Variants in ATOH8 observed in about 807,000 individuals in gnomAD.
ATOH8 encodes atonal bHLH transcription factor 8, also known as transcription factor ATOH8.
ATOH8 carries 9 observed loss-of-function variants against 21.2 expected under a neutral mutation model. That is an observed-to-expected ratio of 0.42 (90% confidence interval 0.26 to 0.74). The LOEUF (loss-of-function observed/expected upper bound fraction) is 0.74, where lower values mean the gene tolerates loss of function less well. Among genes scored for constraint, ATOH8 ranks in the 30% least tolerant of loss-of-function variants. ATOH8 has a pLI of 0.24. For missense variants in ATOH8, 524 were observed against 470.9 expected (o/e 1.11, Z -1.04); for synonymous variants, 253 against 224.0 (o/e 1.13, Z -1.16).
chr2:85,765,920 C>G (rs1222427706), intron 2 of ATOH8, among the ~76,000 whole-genome samples: 1 of 152,190 alleles, frequency 6.6e-6, no homozygotes, highest in Non-Finnish European at 1.5e-5. Context: ...CCCTCTGGGC[C>G]TGGTCCAACC....
chr2:85,781,048 G>C (rs929490022), intron 2 of ATOH8: 29 of 987,936 alleles, frequency 2.9e-5, no homozygotes, highest in South Asian at 2.8e-4. Context: ...CCTTGGAGAA[G>C]ATGTGAAAGC....
chr2:85,761,934 T>G (rs1029568868), intron 1 of ATOH8, among the ~76,000 whole-genome samples: 3 of 152,142 alleles, frequency 2.0e-5, no homozygotes, highest in Non-Finnish European at 2.9e-5. Context: ...GGGTGAGGGA[T>G]GGAAATGCAT....
chr2:85,764,073 G>T lies in ATOH8; in HGVS notation c.851G>T (p.Arg284Leu). The T allele has an allele frequency of 6.2e-7, 1 of 1,614,158 alleles. No individual in the cohort carries two copies. Among genetic ancestry groups the T allele is most frequent in the South Asian group, 1.1e-5 (1 of 91,072 alleles). Residue 284 changes from arginine (R) to leucine (L), a missense_variant, in exon 2 of 3, where the codon CGG becomes CTG. By Grantham distance (102) the Arg-to-Leu change is moderately radical. Transcript: ENST00000306279. ...IACNYILSLA[R>L]LADLDYSADH... Reference sequence around the variant, plus strand: ...TGTAACTACATCCTGTCCCTGGCGCGGCTGGCTGACCTTGACTACAGTGCC... The same window carrying T: ...TGTAACTACATCCTGTCCCTGGCGCTGCTGGCTGACCTTGACTACAGTGCC...
At position 85,786,752 on chromosome 2, in the gene ATOH8, T is replaced by G. The variant is rs1680631170; in HGVS notation, c.961-133T>G. The G allele has an allele frequency of 4.2e-6, 5 of 1,182,532 alleles. No homozygotes were observed. In the Admixed American group the frequency reaches 9.1e-5, roughly 21 times the overall value. 73.3% of individuals were successfully genotyped at this position (1,182,532 alleles called of 1,614,324 possible). ...CAGGCCGGGGTTTGAATCCTGGCTC[T>G]TCCACTTATCGAACCCTTCAAGGTG... On this transcript the variant is annotated intron_variant, in intron 2 of 2. Transcript: ENST00000306279.
Position 85,754,326 on chromosome 2 carries a change from A to G in ATOH8, c.137A>G (p.Asp46Gly), listed in dbSNP as rs1286888497. 2.5e-6 allele frequency: 4 copies of G among 1,609,074 alleles called. No homozygotes were observed. The African/African-American group carries it at 5.4e-5, about 22-fold the overall frequency. ...AACGGCTATAAAACTTTCCGACTGG[A>G]CTTGGAAGCGCCCGAGCCCCGCGCC... The part of the protein sequence containing the change: ...RANGYKTFRL[D>G]LEAPEPRAVA... The change falls in exon 1 of 3, where the codon GAC (aspartate) becomes GGC (glycine). Residue 46 changes from aspartate to glycine, a missense_variant. Asp to Gly is a moderately conservative substitution (Grantham distance 94, BLOSUM62 -1). Coordinates refer to ENST00000306279, the MANE Select transcript of ATOH8 (RefSeq NM_032827.7).
At chr2:85,786,789 G>C in intron 2 of ATOH8, 96 bp from the exon 3 acceptor site, 1 of 1,589,214 alleles carries the variant, frequency 6.3e-7, no homozygotes, top group Admixed American at 1.7e-5. Flanking sequence ...GGGCCCCTCT[G>C]CCTGGAGGAC....
At chr2:85,781,440 G>A (rs188129569) in intron 2 of ATOH8, among the ~76,000 whole-genome samples, 2 of 152,002 alleles carry the variant, frequency 1.3e-5, no homozygotes, top group Admixed American at 6.6e-5. Context: ...GATTACATAC[G>A]CTTGTAATCC....
chr2:85,754,028 G>A lies in ATOH8; in HGVS notation c.-162G>A. 1 of 783,112 alleles carries A rather than the reference G, an allele frequency of 1.3e-6. No homozygotes were observed. The highest frequency in any genetic ancestry group is 1.9e-6 in the Non-Finnish European group (1 of 539,164). The allele number at this position is 783,112 out of a possible 1,614,324, so 48.5% of individuals were successfully genotyped here. A position where few individuals can be genotyped will look rare whatever the true frequency, so the allele number is the denominator to read the frequency against. ...GAGCGCTCCGGGAACGGACAGCCCG[G>A]CGGCTTCCCGAAGCCGGCGGCGCAG... On this transcript the variant is annotated 5_prime_UTR_variant, in exon 1 of 3. Coordinates refer to ENST00000306279, the MANE Select transcript of ATOH8 (RefSeq NM_032827.7).
At chr2:85,784,060 T>C (rs1680565599) in intron 2 of ATOH8, among the ~76,000 whole-genome samples, 1 of 152,116 alleles carries the variant, frequency 6.6e-6, no homozygotes, top group African/African-American at 2.4e-5. Flanking sequence ...AAGTGGCTGT[T>C]ATTAGCAGGC....
chr2:85,775,018 A>T (rs1680284654), intron 2 of ATOH8: 1 of 985,288 alleles, frequency 1.0e-6, no homozygotes, highest in African/African-American at 1.7e-5. Context: ...ATCATGTGAT[A>T]TGCTTTTAAA....
At chr2:85,772,070 C>T (rs1316675158) in intron 2 of ATOH8, among the ~76,000 whole-genome samples, 1 of 152,254 alleles carries the variant, frequency 6.6e-6, no homozygotes, top group Non-Finnish European at 1.5e-5. Context: ...TGGTGCCGTC[C>T]CTTGCCCAGA....
chr2:85,761,049 G>A (rs1234565339), intron 1 of ATOH8: 2 of 152,576 alleles, frequency 1.3e-5, no homozygotes, highest in East Asian at 3.8e-4. Flanking sequence ...CTGCATCCGG[G>A]GGCATGGGCA....
At chr2:85,786,472 A>C (rs1054824789) in intron 2 of ATOH8, among the ~76,000 whole-genome samples, 1 of 152,066 alleles carries the variant, frequency 6.6e-6, no homozygotes, top group African/African-American at 2.4e-5. Flanking sequence ...AGCGCAAGGA[A>C]GCTGCAGATG....
rs752921269 is a variant in ATOH8, at chr2:85,754,737, C to G, written c.548C>G (p.Pro183Arg). ...CCGGAGTCCACTGTGCGCCCTGCGC[C>G]CCCGACGCGCCCCGGGGAAAGTTCC... Reference protein sequence around the residue: ...APPESTVRPAPPTRPGESSYS... With the variant: ...APPESTVRPARPTRPGESSYS... Residue 183 changes from proline (P) to arginine (R), a missense_variant, in exon 1 of 3, where the codon CCC (proline) becomes CGC (arginine). Pro to Arg is a moderately radical substitution (Grantham distance 103). Coordinates refer to ENST00000306279, the MANE Select transcript of ATOH8 (RefSeq NM_032827.7). 1.9e-6 allele frequency: 3 copies of G among 1,612,632 alleles called. No homozygotes were observed. The Admixed American group carries it at 5.0e-5, about 27-fold the overall frequency.
In ATOH8 at chr2:85,754,306, C is replaced by T. The variant is rs376707209; in HGVS notation, c.117C>T (p.Gly39=). ...AGGAGCCGGCGCGGCGCGCGAACGG[C>T]TATAAAACTTTCCGACTGGACTTGG... is the stretch of plus-strand genomic sequence containing the variant. ...KGKEPARRAN[G]YKTFRLDLEA... The change falls in exon 1 of 3, where the codon GGC becomes GGT. Residue 39 remains glycine, a synonymous_variant. Coordinates refer to ENST00000306279, the MANE Select transcript of ATOH8 (RefSeq NM_032827.7). The T allele has an allele frequency of 1.6e-5, 25 of 1,609,494 alleles. No individual in the cohort carries two copies. The highest frequency in any genetic ancestry group is 2.1e-5 in the Non-Finnish European group (25 of 1,178,722).
At chr2:85,770,357 C>CGCAT (rs1680147244) in intron 2 of ATOH8, among the ~76,000 whole-genome samples, 1 of 151,934 alleles carries the variant, frequency 6.6e-6, no homozygotes, top group African/African-American at 2.4e-5. Context: ...GTTGGTGGCT[C>CGCAT]ACATATCCAA....
chr2:85,754,700 C>G lies in ATOH8; in HGVS notation c.511C>G (p.Pro171Ala), dbSNP rs769478645. The G allele has an allele frequency of 2.7e-5, 44 of 1,607,622 alleles. No individual in the cohort carries two copies. The highest frequency in any genetic ancestry group is 3.6e-5 in the Non-Finnish European group (42 of 1,177,552). The change falls in exon 1 of 3, where the codon CCG becomes GCG. Residue 171 changes from proline to alanine, a missense_variant. Transcript: ENST00000306279. ...ARPAPSAPPAPPAPPESTVRP... is the reference protein window; with the variant it reads ...ARPAPSAPPAAPAPPESTVRP... ...CCCCGCGCCGTCAGCACCCCCAGCA[C>G]CGCCAGCGCCCCCGGAGTCCACTGT...
In ATOH8 at chr2:85,754,709, C is replaced by T. The variant is rs763954227; in HGVS notation, c.520C>T (p.Pro174Ser). The T allele has an allele frequency of 6.2e-7, 1 of 1,610,470 alleles. No homozygotes were observed. The highest frequency in any genetic ancestry group is 8.5e-7 in the Non-Finnish European group (1 of 1,178,898). The change falls in exon 1 of 3, where the codon CCC becomes TCC. Residue 174 changes from proline (P) to serine (S), a missense_variant. By Grantham distance (74) the Pro-to-Ser change is moderately conservative. Transcript: ENST00000306279. The part of the protein sequence containing the change: ...APSAPPAPPA[P>S]PESTVRPAPP... ...GTCAGCACCCCCAGCACCGCCAGCG[C>T]CCCCGGAGTCCACTGTGCGCCCTGC...
chr2:85,774,977 C>T, intron 2 of ATOH8: 1 of 985,332 alleles, frequency 1.0e-6, no homozygotes, highest in Non-Finnish European at 1.2e-6. Flanking sequence ...TGTCGTAGCA[C>T]AGGGATGCTT....
Sources: allele counts gnomAD v4.1 joint callset (sites outside exome capture counted in the v4.1 genomes callset), GRCh38; gene constraint gnomAD v4.1.1; transcripts MANE v1.5; gene names NCBI Gene and HGNC (gene_info 2026-07-23, HGNC 2026-07-21).